Variants in LYRM4 observed in about 807,000 individuals in gnomAD.
LYRM4 encodes the protein LYR motif containing 4.
LYRM4 carries 9 observed loss-of-function variants against 11.7 expected under a neutral mutation model. The ratio of observed to expected loss-of-function variants is 0.77; its 90% CI spans 0.46 to 1.34. LYRM4 has a LOEUF of 1.34. LYRM4 is among the 40% of genes most tolerant of loss of function. The pLI is 0.00. For missense variants in LYRM4, 133 were observed against 112.5 expected, an observed-to-expected ratio of 1.18 and a Z score of -0.82; for synonymous variants, 42 against 40.4, an observed-to-expected ratio of 1.04 and a Z score of -0.15.
intron 2 of LYRM4, among the ~76,000 whole-genome samples, chr6:5,184,814 G>C (rs951835502): frequency 2.6e-5 from 4 of 152,172 alleles, no homozygotes; most frequent in Admixed American, 2.0e-4. Flanking sequence ...CTGAGAGGGT[G>C]GTAAATGAGC....
intron 2 of LYRM4, among the ~76,000 whole-genome samples, chr6:5,133,832 T>C (rs1764066817): frequency 6.6e-6 from 1 of 152,234 alleles, no homozygotes; most frequent in South Asian, 2.1e-4. Flanking sequence ...TGGGTTTCCG[T>C]AGACATGCAG....
In LYRM4 at chr6:5,108,456, T is replaced by C; in HGVS notation, c.*967A>G. 2 of 977,452 alleles carry C rather than the reference T, an allele frequency of 2.0e-6. No individual in the cohort carries two copies. The highest frequency in any genetic ancestry group is 2.4e-6 in the Non-Finnish European group (2 of 822,456). The allele number at this position is 977,452 out of a possible 1,614,324, so 60.5% of individuals were successfully genotyped here. A position where few individuals can be genotyped will look rare whatever the true frequency, so the allele number is the denominator to read the frequency against. On this transcript the variant is annotated 3_prime_UTR_variant, in exon 3 of 3. Transcript: ENST00000330636. ...AACAATATCTTTATTACCTGTAATATACTTAAAGAGCAGGGGTCCCCAGTT... is the reference window on the plus strand; with the variant it reads ...AACAATATCTTTATTACCTGTAATACACTTAAAGAGCAGGGGTCCCCAGTT...
At chr6:5,086,324 C>CA in the LYRM4 span, 5 of 1,535,516 alleles carry the variant, frequency 3.3e-6, no homozygotes, top group Non-Finnish European at 3.5e-6. Context: ...CCAGAGGCAC[C>CA]GTCTGGGGCC....
intron 2 of LYRM4, among the ~76,000 whole-genome samples, chr6:5,188,824 C>G (rs1013170484): frequency 3.9e-5 from 6 of 152,104 alleles, no homozygotes; most frequent in African/African-American, 1.4e-4. Context: ...AGTGCAGTGG[C>G]GCAATCATGG....
chr6:5,163,367 TA>T (rs1758880221), intron 2 of LYRM4, among the ~76,000 whole-genome samples: 1 of 152,196 alleles, frequency 6.6e-6, no homozygotes, highest in South Asian at 2.1e-4. Flanking sequence ...GGTGACTGTA[TA>T]AAAGTGGGTT....
At chr6:5,168,055 T>C (rs1476672464) in intron 2 of LYRM4, among the ~76,000 whole-genome samples, 1 of 151,030 alleles carries the variant, frequency 6.6e-6, no homozygotes, top group Non-Finnish European at 1.5e-5. Context: ...ATAAGGATGG[T>C]CATGGATTGT....
the LYRM4 span, among the ~76,000 whole-genome samples, chr6:5,054,935 G>C: frequency 6.6e-6 from 1 of 152,150 alleles, no homozygotes; most frequent in Non-Finnish European, 1.5e-5. Context: ...GTCTCTTGTG[G>C]GGGAAATTTG....
chr6:5,184,982 T>A (rs1245123678), intron 2 of LYRM4, among the ~76,000 whole-genome samples: 2 of 152,192 alleles, frequency 1.3e-5, no homozygotes, highest in Non-Finnish European at 2.9e-5. Context: ...TTTCTCTGCT[T>A]CTAGTCACTT....
At chr6:5,170,481 CTTTT>C (rs944443780) in intron 2 of LYRM4, among the ~76,000 whole-genome samples, 1 of 134,234 alleles carries the variant, frequency 7.4e-6, no homozygotes, top group African/African-American at 3.2e-5. Context: ...CACTTTATTT[CTTTT>C]ATTTATTTAT....
chr6:5,251,597 G>A (rs895280522), intron 1 of LYRM4, among the ~76,000 whole-genome samples: 1 of 152,134 alleles, frequency 6.6e-6, no homozygotes, highest in Non-Finnish European at 1.5e-5. Context: ...ATTATTGTGA[G>A]GACAGTACCA....
chr6:5,074,879 T>C, the LYRM4 span, among the ~76,000 whole-genome samples: 1 of 152,124 alleles, frequency 6.6e-6, no homozygotes, highest in African/African-American at 2.4e-5. Flanking sequence ...TCCTGTTGAA[T>C]TGTAATCCCT....
At chr6:5,170,286 T>C (rs1759348865) in intron 2 of LYRM4, among the ~76,000 whole-genome samples, 1 of 152,176 alleles carries the variant, frequency 6.6e-6, no homozygotes, top group African/African-American at 2.4e-5. Flanking sequence ...AACCAATCAT[T>C]AGGAAATAGC....
At chr6:5,244,898 C>T (rs7753895) in intron 1 of LYRM4, among the ~76,000 whole-genome samples, 1 of 150,788 alleles carries the variant, frequency 6.6e-6, no homozygotes, top group Non-Finnish European at 1.5e-5. Flanking sequence ...CGGATGGCAT[C>T]TGAGGTGGGG....
intron 2 of LYRM4, among the ~76,000 whole-genome samples, chr6:5,119,559 G>A (rs377493698): frequency 6.6e-6 from 1 of 152,034 alleles, no homozygotes; most frequent in East Asian, 1.9e-4. Flanking sequence ...GGCTGAGGCG[G>A]GCGGATCACT....
chr6:5,097,112 G>T, the LYRM4 span, among the ~76,000 whole-genome samples: 1 of 152,236 alleles, frequency 6.6e-6, no homozygotes, highest in Non-Finnish European at 1.5e-5. Flanking sequence ...GGAGTCCAAG[G>T]TGAAGGAGCT....
chr6:5,061,212 AT>A, the LYRM4 span, among the ~76,000 whole-genome samples: 1 of 151,826 alleles, frequency 6.6e-6, no homozygotes, highest in African/African-American at 2.4e-5. Flanking sequence ...TATTTTTCTG[AT>A]TTTAATTTAT....
chr6:5,218,214 C>T (rs770327009), intron 1 of LYRM4: 36 of 979,712 alleles, frequency 3.7e-5, no homozygotes, highest in Non-Finnish European at 4.4e-5. Flanking sequence ...GCTCTCTCGT[C>T]TTCTTAATGA....
At chr6:5,244,698 G>A (rs1388158966) in intron 1 of LYRM4, among the ~76,000 whole-genome samples, 2 of 152,044 alleles carry the variant, frequency 1.3e-5, no homozygotes, top group Non-Finnish European at 1.5e-5. Context: ...ATGAGGCACC[G>A]AGAGGGCCAC....
chr6:5,244,853 C>T (rs529563689), intron 1 of LYRM4, among the ~76,000 whole-genome samples: 1 of 151,740 alleles, frequency 6.6e-6, no homozygotes, highest in African/African-American at 2.4e-5. Flanking sequence ...GCTTTCATGG[C>T]ACTGACGGGG....
Sources: allele counts gnomAD v4.1 joint callset (sites outside exome capture counted in the v4.1 genomes callset), GRCh38; gene constraint gnomAD v4.1.1; transcripts MANE v1.5; gene names NCBI Gene and HGNC (gene_info 2026-07-23, HGNC 2026-07-21).